Variants in EVI5 observed in about 807,000 individuals in gnomAD.
EVI5 encodes ecotropic viral integration site 5 protein homolog.
Under a neutral mutation model 112.0 loss-of-function variants are expected in EVI5, and 73 were observed. The ratio of observed to expected loss-of-function variants is 0.65; its 90% CI spans 0.54 to 0.79. The LOEUF (loss-of-function observed/expected upper bound fraction) is 0.79. EVI5 is among the 30% of genes least tolerant of loss of function. The pLI, the probability that EVI5 is intolerant of heterozygous loss-of-function variation, is 0.00. For synonymous variants in EVI5, 305 were observed against 319.9 expected (o/e 0.95, Z 0.50); for missense variants, 900 against 968.8 (o/e 0.93, Z 0.94).
chr1:92,717,905 C>A (rs1289613414), intron 2 of EVI5, among the ~76,000 whole-genome samples: 34 of 151,926 alleles, frequency 2.2e-4, no homozygotes, highest in Non-Finnish European at 3.5e-4. Context: ...ATCCTAGTCT[C>A]TGATAAAACA....
chr1:92,596,949 G>A (rs977862832), intron 18 of EVI5, among the ~76,000 whole-genome samples: 20 of 152,056 alleles, frequency 1.3e-4, no homozygotes, highest in African/African-American at 3.9e-4. Flanking sequence ...CTGTTTTTCC[G>A]GATATTATGT....
intron 2 of EVI5, among the ~76,000 whole-genome samples, chr1:92,713,766 G>T (rs772234581): frequency 2.6e-5 from 4 of 152,174 alleles, no homozygotes; most frequent in Non-Finnish European, 4.4e-5. Context: ...GACAGAGTAA[G>T]ACCCTGTCTC....
intron 13 of EVI5, among the ~76,000 whole-genome samples, chr1:92,651,501 G>C (rs1044904844): frequency 1.3e-5 from 2 of 152,192 alleles, no homozygotes; most frequent in African/African-American, 2.4e-5. Flanking sequence ...ACACCTACTA[G>C]GATAGCTATT....
At chr1:92,581,221 C>A (rs1292407010) in intron 18 of EVI5, among the ~76,000 whole-genome samples, 5 of 152,170 alleles carry the variant, frequency 3.3e-5, no homozygotes, top group African/African-American at 7.2e-5. Flanking sequence ...CAGGAAAATG[C>A]ACAGTGAAAG....
At chr1:92,668,229 A>T (rs1173847957) in intron 10 of EVI5, among the ~76,000 whole-genome samples, 2 of 152,238 alleles carry the variant, frequency 1.3e-5, no homozygotes, top group African/African-American at 4.8e-5. Flanking sequence ...ACTAAAATTC[A>T]GATGATCTGA....
At chr1:92,624,056 G>A in intron 16 of EVI5, 120 bp downstream of exon 16, 1 of 807,824 alleles carries the variant, frequency 1.2e-6, no homozygotes, top group Non-Finnish European at 2.0e-6. Flanking sequence ...CTAGAAAACT[G>A]CGGTCTATAC....
At chr1:92,760,874 G>A (rs994469333) in intron 1 of EVI5, among the ~76,000 whole-genome samples, 5 of 151,890 alleles carry the variant, frequency 3.3e-5, no homozygotes, top group African/African-American at 1.2e-4. Flanking sequence ...GGCTAATACG[G>A]TGAAACCCCA....
chr1:92,734,009 A>G (rs574064327), intron 2 of EVI5, among the ~76,000 whole-genome samples: 22 of 152,202 alleles, frequency 1.4e-4, no homozygotes, highest in Non-Finnish European at 2.8e-4. Context: ...AGACACATGT[A>G]CCATATTTGC....
In EVI5 at chr1:92,643,807, T is replaced by C. The variant is rs112898553; in HGVS notation, c.1393-7471A>G. Among the ~76,000 whole-genome samples the C allele has an allele frequency of 4.0e-3, 602 of 152,316 alleles. 4 individuals are homozygous for C. The highest frequency in any genetic ancestry group is 0.013 in the African/African-American group (559 of 41,578). On this transcript the variant is annotated intron_variant, in intron 13 of 19. Coordinates refer to ENST00000684568, the MANE Select transcript of EVI5 (RefSeq NM_001350197.2). Reference sequence around the variant, plus strand: ...ACTATATAGCATATCACTGTACCAATAGCATTGAAACTATTAAGAATTATA... The same window carrying C: ...ACTATATAGCATATCACTGTACCAACAGCATTGAAACTATTAAGAATTATA...
At chr1:92,689,861 G>A (rs1272171598) in intron 9 of EVI5, among the ~76,000 whole-genome samples, 2 of 152,074 alleles carry the variant, frequency 1.3e-5, no homozygotes, top group Non-Finnish European at 2.9e-5. Flanking sequence ...CTTTTCTCTG[G>A]AAATTGGTAA....
In EVI5 at chr1:92,518,114, T is replaced by A. The variant is rs865811876; in HGVS notation, c.2167-4144A>T. ...GGTTTCGCCATTGTTGCCCAGCTGG[T>A]CTTGAACTCCTGAGCTCAAGCCATC... is the stretch of plus-strand genomic sequence containing the variant. On this transcript the variant is annotated intron_variant, in intron 19 of 19. Coordinates refer to ENST00000684568, the MANE Select transcript of EVI5 (RefSeq NM_001350197.2). Among the ~76,000 whole-genome samples, 3 of 152,186 alleles carry A rather than the reference T, an allele frequency of 2.0e-5. No homozygotes were observed. The South Asian group carries it at 6.2e-4, about 32-fold the overall frequency.
chr1:92,658,990 C>T (rs966227796), intron 13 of EVI5, among the ~76,000 whole-genome samples: 42 of 151,996 alleles, frequency 2.8e-4, no homozygotes, highest in African/African-American at 1.0e-3. Context: ...AAAGGACACC[C>T]TATTCAATAA....
chr1:92,692,489 C>T (rs1201787365), intron 9 of EVI5, among the ~76,000 whole-genome samples: 1 of 152,180 alleles, frequency 6.6e-6, no homozygotes, highest in Non-Finnish European at 1.5e-5. Context: ...TTTAAAACAT[C>T]ACAAGTAACT....
intron 10 of EVI5, among the ~76,000 whole-genome samples, chr1:92,672,604 T>C (rs943064233): frequency 6.6e-6 from 1 of 152,254 alleles, no homozygotes; most frequent in Admixed American, 6.5e-5. Context: ...TTGACTTTTC[T>C]GTTTATTGTT....
In EVI5 at chr1:92,694,221, C is replaced by A. The variant is rs181957595; in HGVS notation, c.999+78G>T. On this transcript the variant is annotated intron_variant, in intron 8 of 19. Transcript: ENST00000684568. ...CAGAGGTTGCAGTGAGCCAAGATCA[C>A]GCCACTGCACTCCAGCCTGGGCAAC... 5 of 808,610 alleles carry A rather than the reference C, an allele frequency of 6.2e-6. No homozygotes were observed. The African/African-American group carries it at 8.8e-5, about 14-fold the overall frequency. The allele number at this position is 808,610 out of a possible 1,614,324, so 50.1% of individuals were successfully genotyped here. A position where few individuals can be genotyped will look rare whatever the true frequency, so the allele number is the denominator to read the frequency against.
chr1:92,731,099 A>C (rs1676395435), intron 2 of EVI5, among the ~76,000 whole-genome samples: 2 of 152,088 alleles, frequency 1.3e-5, no homozygotes, highest in Non-Finnish European at 2.9e-5. Flanking sequence ...CGAGGTAGGC[A>C]AATCACTTGA....
At chr1:92,583,486 G>A (rs549359555) in intron 18 of EVI5, among the ~76,000 whole-genome samples, 1 of 129,014 alleles carries the variant, frequency 7.8e-6, no homozygotes, top group East Asian at 2.3e-4. Context: ...GCTCCAGCCT[G>A]GGCGACAGAG....
At chr1:92,577,170 A>G (rs950563414) in intron 18 of EVI5, among the ~76,000 whole-genome samples, 1 of 152,186 alleles carries the variant, frequency 6.6e-6, no homozygotes, top group Non-Finnish European at 1.5e-5. Flanking sequence ...GAAGGGCCCC[A>G]ATATAATTCC....
At chr1:92,663,080 C>T (rs369313229) in intron 12 of EVI5, among the ~76,000 whole-genome samples, 3 of 152,088 alleles carry the variant, frequency 2.0e-5, no homozygotes, top group African/African-American at 7.2e-5. Context: ...AAGAACAATT[C>T]TTTCAGTCAA....
Sources: gnomAD v4.1 joint callset for allele counts (sites outside exome capture counted in the v4.1 genomes callset) on GRCh38, gnomAD v4.1.1 for gene constraint, MANE v1.5 for transcripts, NCBI Gene and HGNC (gene_info 2026-07-23, HGNC 2026-07-21) for gene names.